TRIM62: variants seen among roughly 807,000 people sequenced by gnomAD.
TRIM62 encodes the protein tripartite motif containing 62.
In TRIM62, 39 loss-of-function variants were observed where a neutral mutation model predicts 44.2. That is an observed-to-expected ratio of 0.88 (90% CI 0.68 to 1.15). TRIM62 has a LOEUF of 1.15. Among genes scored for constraint, TRIM62 ranks in the 50% most tolerant of loss-of-function variants. TRIM62 has a pLI of 0.00. For missense variants in TRIM62, 544 were observed against 665.5 expected, an observed-to-expected ratio of 0.82 and a Z score of 2.01; for synonymous variants, 278 against 292.3, an observed-to-expected ratio of 0.95 and a Z score of 0.50.
intron 1 of TRIM62, among the ~76,000 whole-genome samples, chr1:33,175,999 A>G (rs137888701): frequency 1.3e-5 from 2 of 152,336 alleles, no homozygotes; most frequent in African/African-American, 4.8e-5. Context: ...CTGGCTGCCC[A>G]GACACCTGTG....
Position 33,147,438 on chromosome 1 carries a change from G to A in TRIM62, c.1167C>T (p.Ile389=). The A allele has an allele frequency of 1.9e-6, 3 of 1,614,030 alleles. No individual in the cohort carries two copies. The highest frequency in any genetic ancestry group is 1.7e-6 in the Non-Finnish European group (2 of 1,180,018). The part of the protein sequence containing the change: ...QIQPSRGFYC[I]VMHDGNQYSA... Reference sequence around the variant, plus strand: ...TGTACTGGTTGCCATCGTGCATCACGATGCAGTAGAAGCCGCGGCTGGGCT... The same window carrying A: ...TGTACTGGTTGCCATCGTGCATCACAATGCAGTAGAAGCCGCGGCTGGGCT... The change falls in exon 5 of 5, where the codon ATC becomes ATT. Residue 389 remains isoleucine (I), a synonymous_variant. Coordinates refer to ENST00000291416, the MANE Select transcript of TRIM62 (RefSeq NM_018207.3). This position sits in a 1 kb window ranked among gnomAD's most constrained non-coding sequence, Gnocchi z 8.1.
chr1:33,180,094 A>G (rs938506932), intron 1 of TRIM62, among the ~76,000 whole-genome samples: 4 of 152,158 alleles, frequency 2.6e-5, no homozygotes, highest in Non-Finnish European at 5.9e-5. Context: ...TTGTCAGTGA[A>G]GACAGGAAGT....
At chr1:33,179,201 G>A (rs1460450697) in intron 1 of TRIM62, among the ~76,000 whole-genome samples, 4 of 152,256 alleles carry the variant, frequency 2.6e-5, no homozygotes, top group African/African-American at 7.2e-5. Context: ...CGCCTAAAAC[G>A]ATGGCTCTGG....
In TRIM62 at chr1:33,181,688, T is replaced by G; in HGVS notation, c.-256A>C. 1 of 544,052 alleles carries G rather than the reference T, an allele frequency of 1.8e-6. No homozygotes were observed. Among genetic ancestry groups the G allele is most frequent in the South Asian group, 2.3e-5 (1 of 44,146 alleles). 33.7% of individuals were successfully genotyped at this position (544,052 alleles called of 1,614,324 possible). On this transcript the variant is annotated 5_prime_UTR_variant, in exon 1 of 5. Coordinates refer to ENST00000291416, the MANE Select transcript of TRIM62 (RefSeq NM_018207.3). This position sits in a 1 kb window ranked among gnomAD's most constrained non-coding sequence, Gnocchi z 6.5. ...GTGGGCAGCTCAAGGCGATGGGCGC[T>G]GGGAGGAGGCTGTGAGCGGCTGAGG...
At chr1:33,149,035 C>G (rs1249567300) in intron 4 of TRIM62, among the ~76,000 whole-genome samples, 1 of 152,232 alleles carries the variant, frequency 6.6e-6, no homozygotes, top group Non-Finnish European at 1.5e-5. Flanking sequence ...CTCCTCCTCT[C>G]TGCTTGTTGC....
chr1:33,154,821 C>T lies in TRIM62; in HGVS notation c.877+3432G>A, dbSNP rs1338564531. Among the ~76,000 whole-genome samples, 11 of 147,518 alleles carry T rather than the reference C, an allele frequency of 7.5e-5. No individual in the cohort carries two copies. The East Asian group carries it at 1.8e-3, about 25-fold the overall frequency. ...TCCAAAAAAAAAAAGTGGCCAGGCG[C>T]GGTGATTCACGCCTGTAATCCCAGC... On this transcript the variant is annotated intron_variant, in intron 4 of 4. Transcript: ENST00000291416.
At chr1:33,180,991 C>A in intron 1 of TRIM62, 34 bp downstream of exon 1, 1 of 1,207,436 alleles carries the variant, frequency 8.3e-7, no homozygotes, top group South Asian at 1.3e-5. Flanking sequence ...CCAGCCCGGC[C>A]CCGCCCCTTC....
rs1170621214 is a variant in TRIM62 at position 33,181,124 on chromosome 1, G to A, written c.309C>T (p.Cys103=). Residue 103 remains cysteine (C), a synonymous_variant, in exon 1 of 5, where the codon TGC becomes TGT. Transcript: ENST00000291416. This position sits in a 1 kb window ranked among gnomAD's most constrained non-coding sequence, Gnocchi z 6.5. The stretch of plus-strand genomic sequence containing the variant: ...AGCAGAGAAGCGCGCGGTCCGTGAG[G>A]CAGAAGAGCTTGACCTTGTCGTGCG... The part of the protein sequence containing the change: ...CQAHDKVKLF[C]LTDRALLCFF... 3 of 1,600,708 alleles carry A rather than the reference G, an allele frequency of 1.9e-6. No individual in the cohort carries two copies. The South Asian group carries it at 3.3e-5, about 18-fold the overall frequency.
At chr1:33,179,200 C>T (rs1479982913) in intron 1 of TRIM62, among the ~76,000 whole-genome samples, 12 of 152,212 alleles carry the variant, frequency 7.9e-5, no homozygotes, top group African/African-American at 1.2e-4. Flanking sequence ...GCGCCTAAAA[C>T]GATGGCTCTG....
chr1:33,158,076 G>A (rs1467755270), intron 4 of TRIM62, among the ~76,000 whole-genome samples, 177 bp downstream of exon 4: 3 of 152,130 alleles, frequency 2.0e-5, no homozygotes, highest in Non-Finnish European at 4.4e-5. Flanking sequence ...TGTTATGAAG[G>A]TCCACTGAGC....
Position 33,145,983 on chromosome 1 carries a change from G to T in TRIM62, c.*1194C>A. ...ACTGAGTGAAGTGGGAGAGGGGCAG[G>T]CCTCAGGACATCTATTGGCTGGCAC... is the stretch of plus-strand genomic sequence containing the variant. On this transcript the variant is annotated 3_prime_UTR_variant, in exon 5 of 5. Transcript: ENST00000291416. 1 of 466,122 alleles carries T rather than the reference G, an allele frequency of 2.1e-6. No individual in the cohort carries two copies. The highest frequency in any genetic ancestry group is 4.5e-6 in the Non-Finnish European group (1 of 224,404). The allele number at this position is 466,122 out of a possible 1,614,324, so 28.9% of individuals were successfully genotyped here. A position where few individuals can be genotyped will look rare whatever the true frequency, so the allele number is the denominator to read the frequency against.
At chr1:33,156,115 C>A (rs146576996) in intron 4 of TRIM62, among the ~76,000 whole-genome samples, 2 of 152,198 alleles carry the variant, frequency 1.3e-5, no homozygotes, top group African/African-American at 4.8e-5. Flanking sequence ...TGCAGCAGAT[C>A]GCAGTCAAGG....
chr1:33,172,591 C>A (rs1231914427), intron 1 of TRIM62, among the ~76,000 whole-genome samples: 1 of 152,068 alleles, frequency 6.6e-6, no homozygotes, highest in Non-Finnish European at 1.5e-5. Flanking sequence ...GAGGACACAC[C>A]TCAGAGGGTG....
intron 4 of TRIM62, among the ~76,000 whole-genome samples, chr1:33,154,689 T>C (rs946937824): frequency 1.3e-5 from 2 of 151,600 alleles, no homozygotes; most frequent in South Asian, 2.1e-4. Context: ...TCCCAGCTAC[T>C]TGGGAGGCCG....
intron 1 of TRIM62, chr1:33,176,439 G>C: frequency 2.9e-6 from 2 of 697,832 alleles, no homozygotes; most frequent in Non-Finnish European, 5.2e-6. Context: ...ATCCACTGCT[G>C]TCTTCTCTGG....
At chr1:33,178,942 T>C (rs1388184856) in intron 1 of TRIM62, among the ~76,000 whole-genome samples, 1 of 152,210 alleles carries the variant, frequency 6.6e-6, no homozygotes, top group African/African-American at 2.4e-5. Context: ...ACCAAGGCTC[T>C]GAAGCAGAGG....
intron 4 of TRIM62, among the ~76,000 whole-genome samples, chr1:33,154,042 T>A (rs1038166336): frequency 2.6e-5 from 4 of 151,576 alleles, no homozygotes; most frequent in African/African-American, 9.7e-5. Context: ...CCAAGGAGAG[T>A]AAGAGTTGGC....
In TRIM62 at chr1:33,165,205, G is replaced by T. The variant is rs898866121; in HGVS notation, c.504+266C>A. The T allele has an allele frequency of 1.1e-5, 4 of 355,312 alleles. No homozygotes were observed. The highest frequency in any genetic ancestry group is 6.4e-5 in the African/African-American group (3 of 47,068). 22.0% of individuals were successfully genotyped at this position (355,312 alleles called of 1,614,324 possible). ...ACCCGCCTCAACTTCCACCCAAAGTGGGAAGGGAGAAATGGCCCCGTCCTT... is the reference window on the plus strand; with the variant it reads ...ACCCGCCTCAACTTCCACCCAAAGTTGGAAGGGAGAAATGGCCCCGTCCTT... On this transcript the variant is annotated intron_variant, in intron 2 of 4. Coordinates refer to ENST00000291416, the MANE Select transcript of TRIM62 (RefSeq NM_018207.3). The surrounding 1 kb of genome is among the most constrained non-coding windows in gnomAD (Gnocchi z 4.0).
At chr1:33,151,286 G>A (rs932328792) in intron 4 of TRIM62, among the ~76,000 whole-genome samples, 3 of 152,084 alleles carry the variant, frequency 2.0e-5, no homozygotes, top group Admixed American at 1.3e-4. Context: ...CACTCACTGG[G>A]CCGGCCTAGG....
Sources: allele counts gnomAD v4.1 joint callset (sites outside exome capture counted in the v4.1 genomes callset), GRCh38; gene constraint gnomAD v4.1.1; non-coding constraint Gnocchi (gnomAD v3.1); transcripts MANE v1.5; gene names NCBI Gene and HGNC (gene_info 2026-07-23, HGNC 2026-07-21).